Variants in RIPOR1 observed in about 807,000 individuals in gnomAD.
RIPOR1 encodes RHO family interacting cell polarization regulator 1.
A neutral mutation model predicts 116.5 loss-of-function variants in RIPOR1; 58 were observed. The ratio of observed to expected loss-of-function variants is 0.50; its 90% confidence interval spans 0.40 to 0.62. The LOEUF (loss-of-function observed/expected upper bound fraction) is 0.62. Ranked by LOEUF, RIPOR1 falls within the 20% of genes least tolerant of loss-of-function variation. RIPOR1 has a pLI of 0.00. For synonymous variants in RIPOR1, 605 were observed against 650.0 expected (o/e 0.93, Z 1.05); for missense variants, 1,372 against 1,586.2 (o/e 0.86, Z 2.29).
At position 67,539,894 on chromosome 16, in the gene RIPOR1, A is replaced by C. The variant is rs755077967; in HGVS notation, c.409A>C (p.Ser137Arg). 1 of 1,614,186 alleles carries C rather than the reference A, an allele frequency of 6.2e-7. No homozygotes were observed. Among genetic ancestry groups the C allele is most frequent in the Non-Finnish European group, 8.5e-7 (1 of 1,180,008 alleles). ...CCTGCGACGACTGGAGTTCCATGCC[A>C]GCAAGGTACGAGTGCAGCATGTGTG... ...RFLRRLEFHA[S>R]KIDELYEAYC... Residue 137 changes from serine to arginine, a missense_variant, in exon 6 of 22, where the codon AGC becomes CGC. By Grantham distance (110) the Ser-to-Arg change is moderately radical (BLOSUM62 -1). Transcript: ENST00000042381.
chr16:67,528,837 C>A lies in RIPOR1; in HGVS notation c.-101C>A. 1 of 157,736 alleles carries A rather than the reference C, an allele frequency of 6.3e-6. No individual in the cohort carries two copies. The highest frequency in any genetic ancestry group is 1.4e-5 in the Non-Finnish European group (1 of 72,246). The allele number at this position is 157,736 out of a possible 1,614,324, so 9.8% of individuals were successfully genotyped here. Reference sequence around the variant, plus strand: ...GGGCCGGCGCCTGCGGCGGCGACAGCGGCAGCTGCGGCGCGACCAGGCCGG... The same window carrying A: ...GGGCCGGCGCCTGCGGCGGCGACAGAGGCAGCTGCGGCGCGACCAGGCCGG... On this transcript the variant is annotated 5_prime_UTR_variant, in exon 1 of 22. Transcript: ENST00000042381.
chr16:67,540,436 C>G lies in RIPOR1; in HGVS notation c.632-22C>G. 6.2e-7 allele frequency: 1 copy of G among 1,614,208 alleles called. No homozygotes were observed. Among genetic ancestry groups the G allele is most frequent in the Non-Finnish European group, 8.5e-7 (1 of 1,180,034 alleles). ...GAACCCCAATATGGCTCACCGACTT[C>G]TCCCCTTCTCCTCCAACTCAGGGCT... On this transcript the variant is annotated intron_variant, in intron 8 of 21. Coordinates refer to ENST00000042381, the MANE Select transcript of RIPOR1 (RefSeq NM_024519.4). This position sits in a 1 kb window ranked among gnomAD's most constrained non-coding sequence, Gnocchi z 4.7.
In RIPOR1 at chr16:67,545,745, G is replaced by A. The variant is rs1173457506; in HGVS notation, c.3272G>A (p.Arg1091Gln). 3.7e-6 allele frequency: 6 copies of A among 1,610,718 alleles called. No individual in the cohort carries two copies. Among genetic ancestry groups the A allele is most frequent in the East Asian group, 2.2e-5 (1 of 44,852 alleles). The change falls in exon 19 of 22, where the codon CGA (arginine) becomes CAA (glutamine). Residue 1091 changes from arginine to glutamine, a missense_variant. Around this residue, in one of 3 missense-constraint regions of RIPOR1, gnomAD observed 1,005 missense variants for 1,144.7 expected, o/e 0.88. Transcript: ENST00000042381. This position sits in a 1 kb window ranked among gnomAD's most constrained non-coding sequence, Gnocchi z 4.8. ...AGATTGGCGCCCGAGGGGCGTCTGC[G>A]AAGGGACGGGCTGCGGGCCCTCAGC... ...ALRLAPEGRL[R>Q]RDGLRALSSL...
chr16:67,545,067 A>T lies in RIPOR1; in HGVS notation c.2981A>T (p.Asn994Ile), dbSNP rs1277093023. 1 of 1,612,704 alleles carries T rather than the reference A, an allele frequency of 6.2e-7. No homozygotes were observed. The highest frequency in any genetic ancestry group is 8.5e-7 in the Non-Finnish European group (1 of 1,179,978). The stretch of plus-strand genomic sequence containing the variant: ...GAGCGGGTGCTTCTCACCTTCTGCA[A>T]CCAGTATGGTGCCCGCCTCTCCCTG... ...PVERVLLTFC[N>I]QYGARLSLRQ... is the part of the protein sequence containing the mutation. The change falls in exon 17 of 22, where the codon AAC becomes ATC. Residue 994 changes from asparagine (N) to isoleucine (I), a missense_variant. By Grantham distance (149) the Asn-to-Ile change is moderately radical. Coordinates refer to ENST00000042381, the MANE Select transcript of RIPOR1 (RefSeq NM_024519.4). The surrounding 1 kb of genome is among the most constrained non-coding windows in gnomAD (Gnocchi z 4.8).
At chr16:67,525,598 G>A (rs1320582616), upstream of RIPOR1, among the ~76,000 whole-genome samples, 13 of 152,120 alleles carry the variant, frequency 8.5e-5, no homozygotes, top group East Asian at 1.2e-3. Flanking sequence ...TAGCAGTGCC[G>A]TGTGTGAGGA....
In RIPOR1 at chr16:67,545,113, G is replaced by T. The variant is rs1479529688; in HGVS notation, c.3027G>T (p.Glu1009Asp). ...CCCTGCGCCAGCCAGGCTTGGCTGA[G>T]GCTGGTGAGTGGGCTGCTTCCTCCT... ...RLSLRQPGLAEAVCVKFLEDA... is the reference protein window; with the variant it reads ...RLSLRQPGLADAVCVKFLEDA... Residue 1009 changes from glutamate to aspartate, a missense_variant, in exon 17 of 22, where the codon GAG (glutamate) becomes GAT (aspartate). Glu to Asp is a conservative substitution (Grantham distance 45). Around this residue, in one of 3 missense-constraint regions of RIPOR1, gnomAD observed 1,005 missense variants for 1,144.7 expected, o/e 0.88. Transcript: ENST00000042381. This position sits in a 1 kb window ranked among gnomAD's most constrained non-coding sequence, Gnocchi z 4.8. 4 of 1,611,870 alleles carry T rather than the reference G, an allele frequency of 2.5e-6. No homozygotes were observed. The highest frequency in any genetic ancestry group is 3.4e-6 in the Non-Finnish European group (4 of 1,179,900).
At chr16:67,538,362 G>T in intron 1 of RIPOR1, 62 bp from the exon 2 acceptor site, 1 of 1,511,254 alleles carries the variant, frequency 6.6e-7, no homozygotes, top group South Asian at 1.2e-5. Context: ...CCTGGATCCC[G>T]CTGCGTGGGA....
In RIPOR1 at chr16:67,543,586, C is replaced by A. The variant is rs773089007; in HGVS notation, c.2600+117C>A. Reference sequence around the variant, plus strand: ...AAGTCAAAGGACAGGACAGGTGAGGCAGGGCCAGGTGGAGCATGTGAGGAC... The same window carrying A: ...AAGTCAAAGGACAGGACAGGTGAGGAAGGGCCAGGTGGAGCATGTGAGGAC... On this transcript the variant is annotated intron_variant, in intron 14 of 21. Coordinates refer to ENST00000042381, the MANE Select transcript of RIPOR1 (RefSeq NM_024519.4). The surrounding 1 kb of genome is among the most constrained non-coding windows in gnomAD (Gnocchi z 4.7). The A allele has an allele frequency of 6.3e-6, 9 of 1,435,526 alleles. No homozygotes were observed. The highest frequency in any genetic ancestry group is 2.5e-5 in the East Asian group (1 of 40,290). The allele number at this position is 1,435,526 out of a possible 1,614,324, so 88.9% of individuals were successfully genotyped here.
In RIPOR1 at chr16:67,543,797, C is replaced by A; in HGVS notation, c.2600+328C>A. The A allele has an allele frequency of 2.3e-6, 1 of 440,086 alleles. No individual in the cohort carries two copies. Among genetic ancestry groups the A allele is most frequent in the Non-Finnish European group, 4.2e-6 (1 of 237,680 alleles). 27.3% of individuals were successfully genotyped at this position (440,086 alleles called of 1,614,324 possible). ...CTCTTCCCCTTGGCCTCACCTTGGA[C>A]CTGCCCTTTAAGGAGCTCTCTCAGT... On this transcript the variant is annotated intron_variant, in intron 14 of 21. Coordinates refer to ENST00000042381, the MANE Select transcript of RIPOR1 (RefSeq NM_024519.4). The surrounding 1 kb of genome is among the most constrained non-coding windows in gnomAD (Gnocchi z 4.7).
chr16:67,540,356 A>C lies in RIPOR1; in HGVS notation c.624A>C (p.Arg208=). 3 of 1,614,064 alleles carry C rather than the reference A, an allele frequency of 1.9e-6. No homozygotes were observed. The highest frequency in any genetic ancestry group is 2.5e-6 in the Non-Finnish European group (3 of 1,180,000). The change falls in exon 8 of 22, where the codon CGA becomes CGC. Residue 208 remains arginine (R), a synonymous_variant. Transcript: ENST00000042381. The surrounding 1 kb of genome is among the most constrained non-coding windows in gnomAD (Gnocchi z 4.7). Reference sequence around the variant, plus strand: ...CACAGCTGGGCGAGTTTCATCTCCGAATGAAAGGTACTGAGTTGTGGGGGC... The same window carrying C: ...CACAGCTGGGCGAGTTTCATCTCCGCATGAAAGGTACTGAGTTGTGGGGGC... ...LEAQLGEFHL[R]MKGLAGFARL...
chr16:67,538,855 C>T (rs368689898), intron 3 of RIPOR1, 31 bp downstream of exon 3: 2 of 1,610,924 alleles, frequency 1.2e-6, no homozygotes, highest in African/African-American at 1.3e-5. Context: ...CAGCCCTGTC[C>T]CGGGATCCCT....
In RIPOR1 at chr16:67,537,691, GGGGT is replaced by G. The variant is rs1157565906; in HGVS notation, c.-23-729_-23-726del. On this transcript the variant is annotated intron_variant, in intron 1 of 21. Coordinates refer to ENST00000042381, the MANE Select transcript of RIPOR1 (RefSeq NM_024519.4). This position sits in a 1 kb window ranked among gnomAD's most constrained non-coding sequence, Gnocchi z 4.6. ...CCAGGAGTGTGTGTTTCGCCGAAGC[GGGGT>G]GGGGGTCTGCCGAGGAGCTCTCCCC... 7 of 870,594 alleles carry G rather than the reference GGGGT, an allele frequency of 8.0e-6. No homozygotes were observed. In the East Asian group the frequency reaches 2.3e-4, roughly 29 times the overall value. 53.9% of individuals were successfully genotyped at this position (870,594 alleles called of 1,614,324 possible). A position where few individuals can be genotyped will look rare whatever the true frequency, so the allele number is the denominator to read the frequency against.
upstream of RIPOR1, among the ~76,000 whole-genome samples, chr16:67,524,471 C>G (rs1008240412): frequency 2.0e-5 from 3 of 152,220 alleles, no homozygotes; most frequent in Non-Finnish European, 4.4e-5. Context: ...GACCACTGTT[C>G]CCCCCAGAAG....
rs2051129589 is a variant in RIPOR1 at position 67,545,335 on chromosome 16, G to A, written c.3032-41G>A. On this transcript the variant is annotated intron_variant, in intron 17 of 21. Coordinates refer to ENST00000042381, the MANE Select transcript of RIPOR1 (RefSeq NM_024519.4). The surrounding 1 kb of genome is among the most constrained non-coding windows in gnomAD (Gnocchi z 4.8). ...AGCATCTCTCCCCTCTAAAAGCTGT[G>A]TTCACCCAAACTCTGAGGCCCATGC... is the stretch of plus-strand genomic sequence containing the variant. 2.5e-6 allele frequency: 4 copies of A among 1,598,758 alleles called. No homozygotes were observed. The highest frequency in any genetic ancestry group is 4.5e-5 in the East Asian group (2 of 44,632).
At position 67,540,772 on chromosome 16, in the gene RIPOR1, G is replaced by C; in HGVS notation, c.801+68G>C. On this transcript the variant is annotated intron_variant, in intron 10 of 21. Coordinates refer to ENST00000042381, the MANE Select transcript of RIPOR1 (RefSeq NM_024519.4). This position sits in a 1 kb window ranked among gnomAD's most constrained non-coding sequence, Gnocchi z 4.7. ...AACCCCTTGTGACCCCCATTACCCTGAGTCCCTTACTCCTGTGATCCCCTC... is the reference window on the plus strand; with the variant it reads ...AACCCCTTGTGACCCCCATTACCCTCAGTCCCTTACTCCTGTGATCCCCTC... 6.8e-7 allele frequency: 1 copy of C among 1,473,214 alleles called. No individual in the cohort carries two copies. The highest frequency in any genetic ancestry group is 1.4e-5 in the African/African-American group (1 of 70,992). 91.3% of individuals were successfully genotyped at this position (1,473,214 alleles called of 1,614,324 possible).
chr16:67,519,404 C>T (rs1215632481), intron 1 of RIPOR1, among the ~76,000 whole-genome samples: 3 of 152,090 alleles, frequency 2.0e-5, no homozygotes, highest in Non-Finnish European at 4.4e-5. Flanking sequence ...TAAGGAGGAA[C>T]TGGCCAGGGG....
chr16:67,519,477 C>T (rs1195069711), intron 1 of RIPOR1, among the ~76,000 whole-genome samples: 5 of 151,988 alleles, frequency 3.3e-5, no homozygotes, highest in African/African-American at 1.2e-4. Flanking sequence ...CCAGCTGCTG[C>T]GTGGACAATG....
In RIPOR1 at chr16:67,546,246, T is replaced by C; in HGVS notation, c.3562+15T>C. 1 of 1,613,488 alleles carries C rather than the reference T, an allele frequency of 6.2e-7. No homozygotes were observed. The highest frequency in any genetic ancestry group is 8.5e-7 in the Non-Finnish European group (1 of 1,179,670). Reference sequence around the variant, plus strand: ...ACAGCAGTGTGGTGAGGCTGGGGGATGGAAGAGATGGGTGGAGTTCTGGGA... The same window carrying C: ...ACAGCAGTGTGGTGAGGCTGGGGGACGGAAGAGATGGGTGGAGTTCTGGGA... On this transcript the variant is annotated intron_variant, in intron 21 of 21. Transcript: ENST00000042381.
At chr16:67,535,550 G>A (rs148547149) in intron 1 of RIPOR1, among the ~76,000 whole-genome samples, 16 of 152,282 alleles carry the variant, frequency 1.1e-4, no homozygotes, top group African/African-American at 1.4e-4. Flanking sequence ...AAGCAGAGGC[G>A]GACTGTGAGC....
Sources: gnomAD v4.1 joint callset for allele counts (sites outside exome capture counted in the v4.1 genomes callset) on GRCh38, gnomAD v4.1.1 for gene constraint, gnomAD v4.1.1 regional missense constraint, Gnocchi (gnomAD v3.1) non-coding constraint, MANE v1.5 for transcripts, NCBI Gene and HGNC (gene_info 2026-07-23, HGNC 2026-07-21) for gene names.